Variants in PLCB4 observed in about 807,000 individuals in gnomAD.
PLCB4 encodes phospholipase C beta 4.
In PLCB4, 77 loss-of-function variants were observed where a neutral mutation model predicts 178.8. That is an observed-to-expected ratio of 0.43 (90% CI 0.36 to 0.52). The LOEUF (loss-of-function observed/expected upper bound fraction) is 0.52. Among genes scored for constraint, PLCB4 ranks in the 20% least tolerant of loss-of-function variants. PLCB4 has a pLI of 0.00. For synonymous variants in PLCB4, 496 were observed against 490.8 expected (o/e 1.01, Z -0.14); for missense variants, 1,024 against 1,453.4 (o/e 0.70, Z 4.80).
chr20:9,278,672 T>C (rs926477709), intron 3 of PLCB4, among the ~76,000 whole-genome samples: 42 of 152,024 alleles, frequency 2.8e-4, no homozygotes, highest in South Asian at 4.1e-4. Context: ...ACCTTCAGTT[T>C]ACAGTTTGAG....
chr20:9,349,744 G>C (rs190642648), intron 7 of PLCB4, among the ~76,000 whole-genome samples: 7 of 152,336 alleles, frequency 4.6e-5, no homozygotes, highest in African/African-American at 1.7e-4. Flanking sequence ...AATTGCACTA[G>C]AAGCATAATG....
intron 3 of PLCB4, among the ~76,000 whole-genome samples, chr20:9,239,760 G>A (rs1307875272): frequency 6.6e-6 from 1 of 152,156 alleles, no homozygotes; most frequent in Non-Finnish European, 1.5e-5. Flanking sequence ...GCCAGTCTGA[G>A]TCTCAAAACC....
intron 2 of PLCB4, among the ~76,000 whole-genome samples, chr20:9,188,723 A>T (rs1425686477): frequency 1.2e-4 from 16 of 138,176 alleles, no homozygotes; most frequent in Middle Eastern, 4.0e-3. Context: ...ATATAGTGAC[A>T]TTCTGGGTTG....
intron 3 of PLCB4, among the ~76,000 whole-genome samples, chr20:9,301,944 G>C (rs1261033400): frequency 6.6e-6 from 1 of 151,848 alleles, no homozygotes; most frequent in Non-Finnish European, 1.5e-5. Context: ...TGTTTACACT[G>C]CAAGAGGTTT....
chr20:9,114,449 A>G (rs2091709561), intron 2 of PLCB4, among the ~76,000 whole-genome samples: 1 of 152,110 alleles, frequency 6.6e-6, no homozygotes, highest in Admixed American at 6.5e-5. Flanking sequence ...AGGATTAGAG[A>G]TGAGTATGAA....
intron 3 of PLCB4, among the ~76,000 whole-genome samples, chr20:9,236,309 C>T (rs965983944): frequency 5.3e-5 from 8 of 152,146 alleles, no homozygotes; most frequent in East Asian, 1.9e-4. Context: ...CCCTGCCAAC[C>T]GCCGCCTTCC....
At chr20:9,291,230 T>C (rs2094577145) in intron 3 of PLCB4, among the ~76,000 whole-genome samples, 1 of 152,214 alleles carries the variant, frequency 6.6e-6, no homozygotes, top group Admixed American at 6.5e-5. Flanking sequence ...GTGAATGTTA[T>C]TGCTGGTATT....
rs750792161 is a variant in PLCB4 at position 9,380,110 on chromosome 20, G to A, written c.801G>A (p.Arg267=). 6.3e-7 allele frequency: 1 copy of A among 1,597,776 alleles called. No individual in the cohort carries two copies. Among genetic ancestry groups the A allele is most frequent in the Non-Finnish European group, 8.5e-7 (1 of 1,169,888 alleles). The change falls in exon 13 of 40, where the codon AGG becomes AGA. Residue 267 remains arginine (R), a synonymous_variant. Transcript: ENST00000378473. ...EILFPFYDAK[R]AMQIIEMYEP... The stretch of plus-strand genomic sequence containing the variant: ...TATTTCCATTTTATGATGCCAAAAG[G>A]GCAATGCAGATCATTGAGATGTATG...
chr20:9,380,285 AT>A (rs951947332), intron 13 of PLCB4, 123 bp downstream of exon 13: 157 of 519,102 alleles, frequency 3.0e-4, no homozygotes, highest in South Asian at 5.5e-4. Flanking sequence ...ATTGATGACT[AT>A]TTTTTTTTCC....
intron 7 of PLCB4, among the ~76,000 whole-genome samples, chr20:9,342,816 C>T (rs2033381611): frequency 6.6e-6 from 1 of 152,026 alleles, no homozygotes; most frequent in African/African-American, 2.4e-5. Flanking sequence ...TTTTAGTTAT[C>T]TTGTCTACAT....
intron 2 of PLCB4, among the ~76,000 whole-genome samples, chr20:9,166,939 A>G (rs1371643572): frequency 6.6e-6 from 1 of 151,878 alleles, no homozygotes; most frequent in African/African-American, 2.4e-5. Context: ...AGACTTTCTT[A>G]TAAGAGAGAA....
chr20:9,197,022 T>C (rs1266676169), intron 2 of PLCB4, among the ~76,000 whole-genome samples: 1 of 152,186 alleles, frequency 6.6e-6, no homozygotes, highest in Non-Finnish European at 1.5e-5. Context: ...ATTAATATTT[T>C]CCACAAATGT....
chr20:9,393,340 G>A (rs1227593446), intron 17 of PLCB4, among the ~76,000 whole-genome samples: 1 of 152,186 alleles, frequency 6.6e-6, no homozygotes, highest in African/African-American at 2.4e-5. Context: ...TGCTCCACTG[G>A]GGAGGTTGGA....
At chr20:9,407,802 C>T (rs1602449811) in intron 21 of PLCB4, 115 bp from the exon 22 acceptor site, 2 of 827,974 alleles carry the variant, frequency 2.4e-6, no homozygotes, top group Admixed American at 2.7e-5. Flanking sequence ...GAAGAAAAAG[C>T]CTTTACCTTT....
intron 2 of PLCB4, among the ~76,000 whole-genome samples, chr20:9,167,896 A>G (rs2092998813): frequency 1.3e-5 from 2 of 152,240 alleles, no homozygotes; most frequent in South Asian, 4.1e-4. Flanking sequence ...TCTTAATTAT[A>G]ATGACTGAAG....
intron 2 of PLCB4, among the ~76,000 whole-genome samples, chr20:9,213,876 T>G (rs2147255819): frequency 6.6e-6 from 1 of 152,362 alleles, no homozygotes; most frequent in East Asian, 1.9e-4. Flanking sequence ...AGTATCTCAT[T>G]GTGGCTTTGA....
At chr20:9,349,371 A>C (rs1268735391) in intron 7 of PLCB4, among the ~76,000 whole-genome samples, 2 of 152,132 alleles carry the variant, frequency 1.3e-5, no homozygotes, top group African/African-American at 4.8e-5. Flanking sequence ...TTTTATATGC[A>C]GTTGGACTCA....
At chr20:9,273,675 AGTGTGTGTGTGTGTGTGTGT>A (rs398035325) in intron 3 of PLCB4, among the ~76,000 whole-genome samples, 1 of 135,852 alleles carries the variant, frequency 7.4e-6, no homozygotes, top group Non-Finnish European at 1.6e-5. Flanking sequence ...TTATGGTTGC[AGTGTGTGTGTGTGTGTGTGT>A]GTGTGTGTGT....
chr20:9,071,030 A>G (rs1019824517), intron 1 of PLCB4, among the ~76,000 whole-genome samples: 1 of 152,200 alleles, frequency 6.6e-6, no homozygotes, highest in Non-Finnish European at 1.5e-5. Context: ...TTTTATATTT[A>G]TATGCCTGAA....
Sources: allele counts gnomAD v4.1 joint callset (sites outside exome capture counted in the v4.1 genomes callset), GRCh38; gene constraint gnomAD v4.1.1; transcripts MANE v1.5; gene names NCBI Gene and HGNC (gene_info 2026-07-23, HGNC 2026-07-21).